The following CHCHD4 variants were observed in gnomAD, a reference collection of about 807,000 sequenced individuals.
CHCHD4 encodes mitochondrial intermembrane space import and assembly protein 40.
A neutral mutation model predicts 12.4 loss-of-function variants in CHCHD4; 7 were observed. The observed-to-expected ratio is 0.57, with a 90% CI of 0.32 to 1.06. The LOEUF (loss-of-function observed/expected upper bound fraction) is 1.06. Among genes scored for constraint, CHCHD4 ranks in the 50% least tolerant of loss-of-function variants. The probability of loss-of-function intolerance (pLI) is 0.04; values close to 1 mark genes in which losing one functional copy is unlikely to be tolerated. For missense variants in CHCHD4, 143 were observed against 175.1 expected (o/e 0.82, Z 1.03); for synonymous variants, 56 against 58.0 (o/e 0.97, Z 0.16).
chr3:14,113,946 T>G (rs77997750), intron 2 of CHCHD4, among the ~76,000 whole-genome samples: 5,025 of 152,298 alleles, frequency 0.033, 283 homozygotes, highest in African/African-American at 0.11. Flanking sequence ...TAAATAGTAT[T>G]TCTTGGTTTT....
At chr3:14,120,580 T>C (rs78100469) in intron 1 of CHCHD4, among the ~76,000 whole-genome samples, 2,620 of 152,248 alleles carry the variant, frequency 0.017, 66 homozygotes, top group South Asian at 0.098. Flanking sequence ...GCTTTATCTT[T>C]CTCCAAAGTG....
At chr3:14,123,543 T>C (rs1370224072) in intron 1 of CHCHD4, among the ~76,000 whole-genome samples, 1 of 152,182 alleles carries the variant, frequency 6.6e-6, no homozygotes, top group Non-Finnish European at 1.5e-5. Flanking sequence ...CCTAACTGGA[T>C]GTGTAACTAC....
At chr3:14,124,462 C>G (rs1328030180) in intron 1 of CHCHD4, among the ~76,000 whole-genome samples, 193 bp downstream of exon 1, 1 of 152,096 alleles carries the variant, frequency 6.6e-6, no homozygotes, top group South Asian at 2.1e-4. Flanking sequence ...CCCGTTCCCC[C>G]CAGAGCTTCG....
chr3:14,117,478 G>A (rs1350995992), intron 1 of CHCHD4, among the ~76,000 whole-genome samples: 1 of 152,178 alleles, frequency 6.6e-6, no homozygotes, highest in African/African-American at 2.4e-5. Context: ...GAGTTAAGCA[G>A]AAGGGAGGTC....
In CHCHD4 at chr3:14,113,647, C is replaced by A. The variant is rs556443790; in HGVS notation, c.122-453G>T. Among the ~76,000 whole-genome samples the A allele has an allele frequency of 1.6e-4, 25 of 152,178 alleles. No homozygotes were observed. The South Asian group carries it at 5.0e-3, about 30-fold the overall frequency. ...CCCTGCCCCCCTGAGCCCCTCTTGC[C>A]CTGCAGCTGCTCTCAGAAGCTCAGC... On this transcript the variant is annotated intron_variant, in intron 2 of 2. Transcript: ENST00000396914.
chr3:14,118,770 C>A (rs1225770375), intron 1 of CHCHD4, among the ~76,000 whole-genome samples: 1 of 152,196 alleles, frequency 6.6e-6, no homozygotes, highest in Non-Finnish European at 1.5e-5. Flanking sequence ...ACTATTCTGG[C>A]CAGTTTCCAA....
chr3:14,112,881 C>T lies in CHCHD4; in HGVS notation c.*6G>A, dbSNP rs746612304. 1 of 1,605,592 alleles carries T rather than the reference C, an allele frequency of 6.2e-7. No individual in the cohort carries two copies. Among genetic ancestry groups the T allele is most frequent in the Non-Finnish European group, 8.5e-7 (1 of 1,175,292 alleles). ...AGGACTGGTGCCCAGTGCCTTGTGG[C>T]CTTCATTAACTTGATCCCTCCTCTT... On this transcript the variant is annotated 3_prime_UTR_variant, in exon 3 of 3. Coordinates refer to ENST00000396914, the MANE Select transcript of CHCHD4 (RefSeq NM_001098502.2).
intron 1 of CHCHD4, 142 bp downstream of exon 1, chr3:14,124,513 G>C (rs1306361891): frequency 5.0e-6 from 3 of 602,214 alleles, no homozygotes; most frequent in Non-Finnish European, 7.8e-6. Context: ...CCCCCCAGCC[G>C]GCCCGCCTCC....
Position 14,112,877 on chromosome 3 carries a change from G to C in CHCHD4, c.*10C>G, listed in dbSNP as rs1329158799. On this transcript the variant is annotated 3_prime_UTR_variant, in exon 3 of 3. Transcript: ENST00000396914. ...CAAAAGGACTGGTGCCCAGTGCCTT[G>C]TGGCCTTCATTAACTTGATCCCTCC... 6.2e-7 allele frequency: 1 copy of C among 1,605,108 alleles called. No homozygotes were observed. The highest frequency in any genetic ancestry group is 1.3e-5 in the African/African-American group (1 of 74,612).
At chr3:14,120,023 G>C (rs978123120) in intron 1 of CHCHD4, among the ~76,000 whole-genome samples, 1 of 152,198 alleles carries the variant, frequency 6.6e-6, no homozygotes. Context: ...TGATGGTCGA[G>C]TGCTCTCTGA....
intron 1 of CHCHD4, among the ~76,000 whole-genome samples, chr3:14,120,429 C>G (rs1181185021): frequency 2.0e-5 from 3 of 152,170 alleles, no homozygotes; most frequent in Admixed American, 6.5e-5. Context: ...GAGCACATGC[C>G]TACCTCTGGC....
chr3:14,119,698 A>G (rs925539625), intron 1 of CHCHD4, among the ~76,000 whole-genome samples: 5 of 152,228 alleles, frequency 3.3e-5, no homozygotes, highest in African/African-American at 9.6e-5. Context: ...AAGGAGGTGG[A>G]AAACTACCTT....
intron 1 of CHCHD4, 86 bp downstream of exon 1, chr3:14,124,569 G>T: frequency 2.3e-6 from 3 of 1,312,580 alleles, no homozygotes; most frequent in South Asian, 1.6e-5. Flanking sequence ...GGTGGCCCGC[G>T]CCCGGCGTGG....
At chr3:14,115,799 A>G (rs1365413073) in intron 2 of CHCHD4, among the ~76,000 whole-genome samples, 2 of 152,190 alleles carry the variant, frequency 1.3e-5, no homozygotes, top group African/African-American at 4.8e-5. Context: ...CAATACGTAG[A>G]TTGTTCATGG....
chr3:14,112,882 C>G lies in CHCHD4; in HGVS notation c.*5G>C, dbSNP rs1325382667. ...GGACTGGTGCCCAGTGCCTTGTGGCCTTCATTAACTTGATCCCTCCTCTTC... is the reference window on the plus strand; with the variant it reads ...GGACTGGTGCCCAGTGCCTTGTGGCGTTCATTAACTTGATCCCTCCTCTTC... On this transcript the variant is annotated 3_prime_UTR_variant, in exon 3 of 3. Transcript: ENST00000396914. 1 of 1,605,854 alleles carries G rather than the reference C, an allele frequency of 6.2e-7. No homozygotes were observed. The highest frequency in any genetic ancestry group is 8.5e-7 in the Non-Finnish European group (1 of 1,175,450).
intron 2 of CHCHD4, among the ~76,000 whole-genome samples, chr3:14,113,632 C>G (rs929476642): frequency 6.6e-6 from 1 of 152,170 alleles, no homozygotes; most frequent in Admixed American, 6.5e-5. Context: ...CCCTGCCCCC[C>G]TGAGCCCCTC....
Position 14,124,696 on chromosome 3 carries a change from G to A in CHCHD4, c.-20C>T. The A allele has an allele frequency of 1.3e-6, 2 of 1,526,430 alleles. No individual in the cohort carries two copies. The highest frequency in any genetic ancestry group is 8.8e-7 in the Non-Finnish European group (1 of 1,138,994). 94.6% of individuals were successfully genotyped at this position (1,526,430 alleles called of 1,614,324 possible). On this transcript the variant is annotated 5_prime_UTR_variant, in exon 1 of 3. Coordinates refer to ENST00000396914, the MANE Select transcript of CHCHD4 (RefSeq NM_001098502.2). ...GGACATGGCTGCAGCCCGTCCCTGA[G>A]ACCTTGCAGAAGCGGCGGTGGCGGC... is the stretch of plus-strand genomic sequence containing the variant.
chr3:14,116,286 G>T, intron 2 of CHCHD4, 140 bp downstream of exon 2: 1 of 695,274 alleles, frequency 1.4e-6, no homozygotes. Context: ...ATAAACCACT[G>T]CCCTCAGAGA....
At chr3:14,117,098 C>A (rs570503209) in intron 1 of CHCHD4, among the ~76,000 whole-genome samples, 1 of 152,352 alleles carries the variant, frequency 6.6e-6, no homozygotes, top group East Asian at 1.9e-4. Context: ...CTTCTCAGAT[C>A]TTTTTAACTG....
Sources: gnomAD v4.1 joint callset for allele counts (sites outside exome capture counted in the v4.1 genomes callset) on GRCh38, gnomAD v4.1.1 for gene constraint, MANE v1.5 for transcripts, NCBI Gene and HGNC (gene_info 2026-07-23, HGNC 2026-07-21) for gene names.